Variants in TBC1D9 observed in about 807,000 individuals in gnomAD.
The protein encoded by TBC1D9 is TBC1 domain family member 9A.
A neutral mutation model predicts 132.0 loss-of-function variants in TBC1D9; 63 were observed. That is an observed-to-expected ratio of 0.48 (90% CI 0.39 to 0.59). TBC1D9 has a LOEUF of 0.59. Ranked by LOEUF, TBC1D9 falls within the 20% of genes least tolerant of loss-of-function variation. TBC1D9 has a pLI of 0.00. For synonymous variants in TBC1D9, 610 were observed against 609.9 expected, an observed-to-expected ratio of 1.00 and a Z score of 0.00; for missense variants, 1,261 against 1,592.7, an observed-to-expected ratio of 0.79 and a Z score of 3.54.
chr4:140,673,642 G>T (rs994419338), intron 6 of TBC1D9, among the ~76,000 whole-genome samples: 19 of 152,282 alleles, frequency 1.2e-4, no homozygotes, highest in African/African-American at 4.3e-4. Context: ...AGGCACTGCC[G>T]TCTCACTGAG....
chr4:140,667,349 C>T (rs534872582), intron 9 of TBC1D9, among the ~76,000 whole-genome samples: 78 of 152,248 alleles, frequency 5.1e-4, no homozygotes, highest in Admixed American at 7.8e-4. Flanking sequence ...ACACTAGTTT[C>T]CTGGTACTCG....
intron 1 of TBC1D9, among the ~76,000 whole-genome samples, chr4:140,705,025 A>G (rs1200590720): frequency 6.6e-6 from 1 of 152,260 alleles, no homozygotes; most frequent in African/African-American, 2.4e-5. Flanking sequence ...CATTAGATAC[A>G]TTTAAATGAG....
chr4:140,641,089 G>GAAAAAAAAAAAAAA (rs1560869533), intron 13 of TBC1D9, among the ~76,000 whole-genome samples: 1 of 15,152 alleles, frequency 6.6e-5, no homozygotes, highest in African/African-American at 5.0e-4. Context: ...ATAATACTAA[G>GAAAAAAAAAAAAAA]CAAAAAAAAA....
intron 1 of TBC1D9, among the ~76,000 whole-genome samples, chr4:140,729,634 A>G (rs1275225544): frequency 6.6e-6 from 1 of 152,068 alleles, no homozygotes; most frequent in African/African-American, 2.4e-5. Context: ...CCTGGCCAAC[A>G]TGGTGAAACT....
chr4:140,710,795 C>T (rs955906916), intron 1 of TBC1D9, among the ~76,000 whole-genome samples: 2 of 152,196 alleles, frequency 1.3e-5, no homozygotes, highest in African/African-American at 4.8e-5. Flanking sequence ...CCTTGCTCTA[C>T]ACCCTAATCA....
intron 1 of TBC1D9, among the ~76,000 whole-genome samples, chr4:140,709,566 G>A (rs969588085): frequency 2.0e-5 from 3 of 151,244 alleles, no homozygotes; most frequent in Non-Finnish European, 4.4e-5. Context: ...ACAGACAATT[G>A]TTCTAGGTTC....
At chr4:140,632,976 A>G (rs967021009) in intron 16 of TBC1D9, among the ~76,000 whole-genome samples, 1 of 152,224 alleles carries the variant, frequency 6.6e-6, no homozygotes, top group Non-Finnish European at 1.5e-5. Flanking sequence ...CCCTCTTTTA[A>G]GCGTATAGAT....
At chr4:140,755,416 A>G (rs1290062905) in intron 1 of TBC1D9, among the ~76,000 whole-genome samples, 2 of 152,180 alleles carry the variant, frequency 1.3e-5, no homozygotes, top group East Asian at 1.9e-4. Context: ...TTCCGTATTC[A>G]TTCTCTTCGG....
At chr4:140,679,509 A>T in intron 4 of TBC1D9, 106 bp downstream of exon 4, 2 of 819,652 alleles carry the variant, frequency 2.4e-6, no homozygotes, top group Non-Finnish European at 3.8e-6. Context: ...GTATTGACTT[A>T]GTTATAACTA....
rs1321600675 is a variant in TBC1D9, at chr4:140,676,966, A to G, written c.987T>C (p.Phe329=). The G allele has an allele frequency of 3.7e-6, 6 of 1,613,908 alleles. No individual in the cohort carries two copies. Residue 329 remains phenylalanine, a synonymous_variant, in exon 6 of 21, where the codon TTT becomes TTC. Coordinates refer to ENST00000442267, the MANE Select transcript of TBC1D9 (RefSeq NM_015130.3). The part of the protein sequence containing the change: ...FNKMHILGQM[F]VSTNYICFTS... The stretch of plus-strand genomic sequence containing the variant: ...TAAAACAGATGTAATTTGTGGACAC[A>G]AACATCTGCCCCAAAATGTGCATTT...
intron 1 of TBC1D9, among the ~76,000 whole-genome samples, chr4:140,742,566 A>G (rs1313201548): frequency 8.0e-5 from 12 of 149,348 alleles, no homozygotes; most frequent in Admixed American, 8.0e-4. Context: ...AGACTGACTC[A>G]TCCACTGGGC....
chr4:140,648,494 T>C (rs1184932490), intron 13 of TBC1D9, among the ~76,000 whole-genome samples: 1 of 149,032 alleles, frequency 6.7e-6, no homozygotes, highest in Non-Finnish European at 1.5e-5. Context: ...CAGATGATCC[T>C]CCCACCTCAG....
At chr4:140,701,384 A>T in intron 2 of TBC1D9, 120 bp downstream of exon 2, 1 of 725,180 alleles carries the variant, frequency 1.4e-6, no homozygotes, top group Non-Finnish European at 2.3e-6. Context: ...GGCTACGGTT[A>T]ATTACCCTAA....
At chr4:140,721,297 A>AC (rs1433079928) in intron 1 of TBC1D9, among the ~76,000 whole-genome samples, 2 of 152,216 alleles carry the variant, frequency 1.3e-5, no homozygotes, top group African/African-American at 4.8e-5. Flanking sequence ...GTAATAGCTA[A>AC]CAGTGGTGAC....
chr4:140,641,321 G>C (rs1034715634), intron 13 of TBC1D9, among the ~76,000 whole-genome samples: 3 of 152,138 alleles, frequency 2.0e-5, no homozygotes, highest in African/African-American at 7.2e-5. Context: ...TATTAAAACA[G>C]AGGCTTTAAA....
chr4:140,647,491 G>A (rs1363547782), intron 13 of TBC1D9, among the ~76,000 whole-genome samples: 1 of 152,206 alleles, frequency 6.6e-6, no homozygotes, highest in African/African-American at 2.4e-5. Context: ...GGGCAACTCA[G>A]TTGAATCTTC....
intron 15 of TBC1D9, among the ~76,000 whole-genome samples, chr4:140,635,919 T>A (rs1437654927): frequency 6.6e-6 from 1 of 151,984 alleles, no homozygotes; most frequent in East Asian, 1.9e-4. Context: ...CGAGCATGAG[T>A]GGAGCCCAGC....
intron 1 of TBC1D9, among the ~76,000 whole-genome samples, chr4:140,725,139 G>T (rs960160107): frequency 6.6e-6 from 1 of 152,088 alleles, no homozygotes; most frequent in Non-Finnish European, 1.5e-5. Context: ...TATAGTATAT[G>T]CCGAAAAATA....
At chr4:140,675,113 T>C (rs1737603541) in intron 6 of TBC1D9, among the ~76,000 whole-genome samples, 1 of 152,140 alleles carries the variant, frequency 6.6e-6, no homozygotes, top group Non-Finnish European at 1.5e-5. Flanking sequence ...ACATCTAAAT[T>C]ATATAAATGA....
Sources: gnomAD v4.1 joint callset for allele counts (sites outside exome capture counted in the v4.1 genomes callset) on GRCh38, gnomAD v4.1.1 for gene constraint, MANE v1.5 for transcripts, NCBI Gene and HGNC (gene_info 2026-07-23, HGNC 2026-07-21) for gene names.